The following PIK3C2G variants were observed in gnomAD, a reference collection of about 807,000 sequenced individuals.
PIK3C2G encodes the protein phosphatidylinositol-4-phosphate 3-kinase catalytic subunit type 2 gamma, also known as phosphatidylinositol 3-kinase C2 domain-containing subunit gamma.
Under a neutral mutation model 181.1 loss-of-function variants are expected in PIK3C2G, and 168 were observed. The ratio of observed to expected loss-of-function variants is 0.93; its 90% CI spans 0.82 to 1.05. PIK3C2G has a LOEUF of 1.05. Among genes scored for constraint, PIK3C2G ranks in the 50% least tolerant of loss-of-function variants. The pLI is 0.00. For synonymous variants in PIK3C2G, 573 were observed against 592.2 expected, an observed-to-expected ratio of 0.97 and a Z score of 0.47; for missense variants, 1,869 against 1,732.8, an observed-to-expected ratio of 1.08 and a Z score of -1.40.
At chr12:18,603,163 G>A (rs1351842911) in intron 30 of PIK3C2G, among the ~76,000 whole-genome samples, 1 of 152,114 alleles carries the variant, frequency 6.6e-6, no homozygotes, top group African/African-American at 2.4e-5. Flanking sequence ...CAAGGAAATA[G>A]ATATCTTAAA....
At chr12:18,281,302 AAG>A (rs1346240949) in intron 1 of PIK3C2G, among the ~76,000 whole-genome samples, 5 of 120,832 alleles carry the variant, frequency 4.1e-5, no homozygotes, top group Non-Finnish European at 5.8e-5. Flanking sequence ...GTGTTTGAGA[AAG>A]AGCAAACACA....
At position 18,542,339 on chromosome 12, in the gene PIK3C2G, G is replaced by A. The variant is rs190535428; in HGVS notation, c.3481-3984G>A. ...ATGGTTGATTTTGTTAAGTTTACTA[G>A]TCAGCATTAAATTTGCTAATTGTAG... On this transcript the variant is annotated intron_variant, in intron 25 of 32. Transcript: ENST00000538779. Among the ~76,000 whole-genome samples the A allele has an allele frequency of 1.3e-5, 2 of 151,942 alleles. 1 individual carries two copies. The highest frequency in any genetic ancestry group is 1.3e-4 in the Admixed American group (2 of 15,200).
intron 18 of PIK3C2G, among the ~76,000 whole-genome samples, chr12:18,469,916 T>C (rs80311752): frequency 1.8e-4 from 1 of 5,642 alleles, no homozygotes; most frequent in Admixed American, 5.7e-3. Context: ...CCTGCTACTC[T>C]TTTTTTTTTT....
intron 22 of PIK3C2G, among the ~76,000 whole-genome samples, chr12:18,501,790 T>C (rs1340856008): frequency 6.6e-6 from 1 of 152,164 alleles, no homozygotes; most frequent in African/African-American, 2.4e-5. Flanking sequence ...TTAGCAAACA[T>C]TAACTCCCTA....
intron 30 of PIK3C2G, among the ~76,000 whole-genome samples, chr12:18,603,567 T>C (rs1947846187): frequency 1.3e-5 from 2 of 152,110 alleles, no homozygotes; most frequent in African/African-American, 4.8e-5. Flanking sequence ...GAGCACATTG[T>C]CATCAGGTTA....
intron 12 of PIK3C2G, among the ~76,000 whole-genome samples, chr12:18,364,977 T>C (rs1284996006): frequency 1.3e-5 from 2 of 152,200 alleles, no homozygotes; most frequent in Non-Finnish European, 2.9e-5. Context: ...TTTCTGGTTG[T>C]TTTAAAACAT....
chr12:18,449,939 G>T (rs566378447), intron 18 of PIK3C2G, among the ~76,000 whole-genome samples: 1 of 152,220 alleles, frequency 6.6e-6, no homozygotes, highest in African/African-American at 2.4e-5. Flanking sequence ...ATCCTCGACA[G>T]CATCTGCTGT....
At chr12:18,421,404 C>T (rs1029236724) in intron 17 of PIK3C2G, among the ~76,000 whole-genome samples, 3 of 151,912 alleles carry the variant, frequency 2.0e-5, no homozygotes, top group African/African-American at 7.2e-5. Flanking sequence ...GAGTTTCTTG[C>T]ACTTCTTTAG....
chr12:18,690,318 G>T, the PIK3C2G span, among the ~76,000 whole-genome samples: 1 of 152,076 alleles, frequency 6.6e-6, no homozygotes, highest in Non-Finnish European at 1.5e-5. Context: ...CTGCCTCCTG[G>T]ATTCAAGCGA....
intron 24 of PIK3C2G, among the ~76,000 whole-genome samples, chr12:18,516,885 T>C (rs1033035657): frequency 9.9e-5 from 15 of 152,138 alleles, no homozygotes; most frequent in African/African-American, 3.6e-4. Context: ...TTATATTTTT[T>C]AAACATTTTC....
intron 19 of PIK3C2G, 132 bp from the exon 20 acceptor site, chr12:18,491,319 G>C: frequency 1.7e-6 from 1 of 583,246 alleles, no homozygotes; most frequent in Non-Finnish European, 3.1e-6. Context: ...TCACCTGCCT[G>C]ACCCCAAAGT....
intron 30 of PIK3C2G, among the ~76,000 whole-genome samples, chr12:18,597,733 G>T (rs970040668): frequency 1.3e-5 from 2 of 151,818 alleles, no homozygotes; most frequent in African/African-American, 4.8e-5. Context: ...CGACATGATT[G>T]TATATCTAGA....
chr12:18,384,623 G>C (rs1218026892), intron 14 of PIK3C2G, among the ~76,000 whole-genome samples: 1 of 152,158 alleles, frequency 6.6e-6, no homozygotes, highest in South Asian at 2.1e-4. Context: ...TCTATCAGAT[G>C]AGACTATCCT....
At chr12:18,296,250 A>G (rs1172809695) in intron 5 of PIK3C2G, among the ~76,000 whole-genome samples, 1 of 152,176 alleles carries the variant, frequency 6.6e-6, no homozygotes, top group Non-Finnish European at 1.5e-5. Flanking sequence ...TAATGCATAT[A>G]GAAATTTCAA....
the PIK3C2G span, among the ~76,000 whole-genome samples, chr12:18,665,900 A>G: frequency 6.8e-6 from 1 of 147,968 alleles, no homozygotes; most frequent in Non-Finnish European, 1.5e-5. Context: ...GCGCCATTGT[A>G]CTCCAGCCTG....
intron 24 of PIK3C2G, among the ~76,000 whole-genome samples, chr12:18,512,715 C>CTA (rs547824297): frequency 1.3e-4 from 19 of 151,898 alleles, no homozygotes; most frequent in Middle Eastern, 3.4e-3. Context: ...TCAGGATTTT[C>CTA]TATATATATC....
chr12:18,398,577 C>T (rs753744446), intron 15 of PIK3C2G, among the ~76,000 whole-genome samples: 4 of 152,140 alleles, frequency 2.6e-5, no homozygotes, highest in Non-Finnish European at 2.9e-5. Flanking sequence ...AAGCCATTGT[C>T]GTGTGAGGGA....
chr12:18,319,820 C>T (rs567052196), intron 6 of PIK3C2G, among the ~76,000 whole-genome samples: 3 of 152,140 alleles, frequency 2.0e-5, no homozygotes, highest in Non-Finnish European at 4.4e-5. Flanking sequence ...TTCTCTGTCG[C>T]AGAAAAAAAT....
At chr12:18,255,494 G>A (rs1376354331) in intron 1 of PIK3C2G, among the ~76,000 whole-genome samples, 1 of 152,114 alleles carries the variant, frequency 6.6e-6, no homozygotes, top group Non-Finnish European at 1.5e-5. Context: ...AGATGACACT[G>A]AGAACCTATA....
Sources: allele counts gnomAD v4.1 joint callset (sites outside exome capture counted in the v4.1 genomes callset), GRCh38; gene constraint gnomAD v4.1.1; transcripts MANE v1.5; gene names NCBI Gene and HGNC (gene_info 2026-07-23, HGNC 2026-07-21).